FGFR1OP2: variants seen among roughly 807,000 people sequenced by gnomAD.
FGFR1OP2 encodes the protein FGFR1 oncogene partner 2.
FGFR1OP2 carries 17 observed loss-of-function variants against 35.2 expected under a neutral mutation model. The observed-to-expected ratio is 0.48, with a 90% CI of 0.33 to 0.73. FGFR1OP2 has a LOEUF of 0.73. Among genes scored for constraint, FGFR1OP2 ranks in the 30% least tolerant of loss-of-function variants. The pLI is 0.02. For synonymous variants in FGFR1OP2, 105 were observed against 104.6 expected (o/e 1.00, Z -0.03); for missense variants, 251 against 307.3 (o/e 0.82, Z 1.37).
chr12:26,960,708 C>T lies in FGFR1OP2; in HGVS notation c.510+80C>T, dbSNP rs1177289715. On this transcript the variant is annotated intron_variant, in intron 5 of 6. Coordinates refer to ENST00000229395, the MANE Select transcript of FGFR1OP2 (RefSeq NM_015633.3). ...TAAAAGTGCTTTTACATTGAATTTC[C>T]CTCCCAGATTAGATCAGCAAATAAA... 9.3e-6 allele frequency: 14 copies of T among 1,506,840 alleles called. No individual in the cohort carries two copies. The East Asian group carries it at 1.9e-4, about 21-fold the overall frequency. 93.3% of individuals were successfully genotyped at this position (1,506,840 alleles called of 1,614,324 possible).
At chr12:26,960,877 C>A in intron 5 of FGFR1OP2, 1 of 305,582 alleles carries the variant, frequency 3.3e-6, no homozygotes, top group South Asian at 1.1e-4. Context: ...CAGTCCAACG[C>A]TTTATTTATT....
intron 4 of FGFR1OP2, among the ~76,000 whole-genome samples, chr12:26,958,231 C>T (rs575179925): frequency 2.3e-4 from 35 of 152,248 alleles, no homozygotes; most frequent in African/African-American, 7.9e-4. Flanking sequence ...TGTGGTAGCA[C>T]ATGCCTGCAG....
chr12:26,959,299 G>A (rs1056927234), intron 4 of FGFR1OP2, among the ~76,000 whole-genome samples: 2 of 151,910 alleles, frequency 1.3e-5, no homozygotes, highest in African/African-American at 4.8e-5. Flanking sequence ...TTGTTAATGA[G>A]ACCATTCTAA....
intron 4 of FGFR1OP2, 124 bp from the exon 5 acceptor site, chr12:26,960,391 T>G: frequency 1.8e-6 from 1 of 547,370 alleles, no homozygotes; most frequent in Admixed American, 3.5e-5. Flanking sequence ...AACAGATGCC[T>G]TTTTGGAAAT....
chr12:26,962,759 A>G (rs1565852313), intron 5 of FGFR1OP2: 1 of 152,224 alleles, frequency 6.6e-6, no homozygotes. Flanking sequence ...GTTAGCAAAG[A>G]AGGCCATTTA....
intron 1 of FGFR1OP2, among the ~76,000 whole-genome samples, chr12:26,950,213 G>GTTTTGT (rs1938899442): frequency 3.9e-5 from 2 of 50,934 alleles, no homozygotes; most frequent in African/African-American, 1.6e-4. Context: ...TGTATTCGTT[G>GTTTTGT]TTTTTTTTTT....
At chr12:26,963,697 C>T (rs1398925337) in intron 6 of FGFR1OP2, among the ~76,000 whole-genome samples, 1 of 152,026 alleles carries the variant, frequency 6.6e-6, no homozygotes, top group Non-Finnish European at 1.5e-5. Flanking sequence ...TATTGCTTAT[C>T]TTATGAAGTG....
At chr12:26,960,018 G>T (rs1010044512) in intron 4 of FGFR1OP2, among the ~76,000 whole-genome samples, 3 of 152,032 alleles carry the variant, frequency 2.0e-5, no homozygotes, top group Admixed American at 6.6e-5. Context: ...TAACAAGGAA[G>T]GGAAGAAAGT....
intron 1 of FGFR1OP2, among the ~76,000 whole-genome samples, chr12:26,949,565 G>T (rs932846173): frequency 6.6e-6 from 1 of 151,882 alleles, no homozygotes; most frequent in Non-Finnish European, 1.5e-5. Flanking sequence ...ATGTTTCATG[G>T]AGTAGTATCT....
chr12:26,957,740 C>T lies in FGFR1OP2; in HGVS notation c.393C>T (p.Ser131=), dbSNP rs1939046029. 1.2e-6 allele frequency: 2 copies of T among 1,609,626 alleles called. No individual in the cohort carries two copies. The highest frequency in any genetic ancestry group is 2.2e-5 in the South Asian group (2 of 90,478). The change falls in exon 4 of 7, where the codon TCC becomes TCT. Residue 131 remains serine (S), a synonymous_variant. Coordinates refer to ENST00000229395, the MANE Select transcript of FGFR1OP2 (RefSeq NM_015633.3). ...GIIMKLKEQH[S]KIDMVHRNKS... ...TAATGAAGTTAAAAGAGCAGCACTCCAAGGTAATCCATTCTATAAATGTGA... is the reference window on the plus strand; with the variant it reads ...TAATGAAGTTAAAAGAGCAGCACTCTAAGGTAATCCATTCTATAAATGTGA...
intron 1 of FGFR1OP2, chr12:26,953,449 C>T (rs1938969839): frequency 6.6e-6 from 1 of 152,118 alleles, no homozygotes; most frequent in Non-Finnish European, 1.5e-5. Flanking sequence ...ATATTTCTTT[C>T]AGCTACTCTT....
intron 1 of FGFR1OP2, among the ~76,000 whole-genome samples, chr12:26,948,906 G>A (rs1938870939): frequency 6.6e-6 from 1 of 152,034 alleles, no homozygotes; most frequent in Admixed American, 6.6e-5. Flanking sequence ...CTGGCATGGT[G>A]GCATGCACCT....
chr12:26,962,947 A>T (rs1482097205), intron 5 of FGFR1OP2: 1 of 156,180 alleles, frequency 6.4e-6, no homozygotes, highest in African/African-American at 2.4e-5. Context: ...TACAGAAAAG[A>T]TTTCTAAATC....
At chr12:26,941,685 G>T (rs1490428725) in intron 1 of FGFR1OP2, among the ~76,000 whole-genome samples, 2 of 152,190 alleles carry the variant, frequency 1.3e-5, no homozygotes, top group African/African-American at 2.4e-5. Context: ...AATTAACTGT[G>T]ACACCTAATT....
chr12:26,938,624 C>T lies in FGFR1OP2; in HGVS notation c.-101C>T, dbSNP rs1938622587. ...GAGGCGGATTAGGGGGGCGCGGAGT[C>T]TCTTCCCTTGAGTGCATAGGTCCCG... On this transcript the variant is annotated 5_prime_UTR_variant, in exon 1 of 7. Coordinates refer to ENST00000229395, the MANE Select transcript of FGFR1OP2 (RefSeq NM_015633.3). The T allele has an allele frequency of 6.6e-6, 1 of 152,542 alleles. No individual in the cohort carries two copies. The highest frequency in any genetic ancestry group is 1.5e-5 in the Non-Finnish European group (1 of 68,142). The allele number at this position is 152,542 out of a possible 1,614,324, so 9.4% of individuals were successfully genotyped here.
Position 26,963,410 on chromosome 12 carries a change from C to T in FGFR1OP2, c.579C>T (p.Asp193=), listed in dbSNP as rs749794108. The change falls in exon 6 of 7, where the codon GAC becomes GAT. Residue 193 remains aspartate (D), a synonymous_variant. Transcript: ENST00000229395. ...AAVMRKAIEI[D]EQQGCKEQER... is the part of the protein sequence containing the mutation. ...TAATGAGGAAAGCCATTGAAATTGA[C>T]GAGCAACAGGGTTGCAAGGAACAAG... 3.4e-5 allele frequency: 54 copies of T among 1,606,588 alleles called. No homozygotes were observed. The highest frequency in any genetic ancestry group is 2.9e-4 in the Admixed American group (17 of 59,378).
At chr12:26,945,861 C>CAA (rs74728377) in intron 1 of FGFR1OP2, among the ~76,000 whole-genome samples, 8 of 81,408 alleles carry the variant, frequency 9.8e-5, no homozygotes, top group Non-Finnish European at 1.5e-4. Context: ...AACTCCGTCT[C>CAA]AAAAAAAAAA....
chr12:26,943,412 T>G (rs778877488), intron 1 of FGFR1OP2, among the ~76,000 whole-genome samples: 3 of 152,376 alleles, frequency 2.0e-5, no homozygotes, highest in Non-Finnish European at 4.4e-5. Context: ...GTTGTTTTGT[T>G]GTTATCTAGT....
chr12:26,960,323 T>G lies in FGFR1OP2; in HGVS notation c.397-192T>G, dbSNP rs540354274. 1.5e-3 allele frequency among the ~76,000 whole-genome samples: 221 copies of G among 152,236 alleles called. 1 individual carries two copies. Among genetic ancestry groups the G allele is most frequent in the South Asian group, 4.6e-3 (22 of 4,824 alleles). On this transcript the variant is annotated intron_variant, in intron 4 of 6. Coordinates refer to ENST00000229395, the MANE Select transcript of FGFR1OP2 (RefSeq NM_015633.3). The stretch of plus-strand genomic sequence containing the variant: ...AGTTTTTGAGCACATACTTAAAAAA[T>G]CAGTAGAAAGTTTGAGAGCTCATTT...
Sources: gnomAD v4.1 joint callset for allele counts (sites outside exome capture counted in the v4.1 genomes callset) on GRCh38, gnomAD v4.1.1 for gene constraint, MANE v1.5 for transcripts, NCBI Gene and HGNC (gene_info 2026-07-23, HGNC 2026-07-21) for gene names.